The following STUM variants were observed in gnomAD, a reference collection of about 807,000 sequenced individuals.
STUM encodes the protein protein stum homolog.
A neutral mutation model predicts 15.3 loss-of-function variants in STUM; 8 were observed. That is an observed-to-expected ratio of 0.52 (90% confidence interval 0.31 to 0.94). STUM has a LOEUF of 0.94. Ranked by LOEUF, STUM falls within the 40% of genes least tolerant of loss-of-function variation. The probability of loss-of-function intolerance (pLI) is 0.05; values close to 1 mark genes in which losing one functional copy is unlikely to be tolerated. For missense variants in STUM, 142 were observed against 204.9 expected (o/e 0.69, Z 1.87); for synonymous variants, 78 against 88.7 (o/e 0.88, Z 0.68).
chr1:226,589,151 A>G (rs1322832605), intron 1 of STUM, among the ~76,000 whole-genome samples: 1 of 152,192 alleles, frequency 6.6e-6, no homozygotes, highest in African/African-American at 2.4e-5. Flanking sequence ...AAGAGGCTTT[A>G]AGATCCCCTC....
intron 1 of STUM, among the ~76,000 whole-genome samples, chr1:226,556,492 T>TTG (rs1667448228): frequency 6.6e-6 from 1 of 152,224 alleles, no homozygotes; most frequent in Non-Finnish European, 1.5e-5. Flanking sequence ...CCTGGCAAAC[T>TTG]TGGCCATCGG....
At chr1:226,588,141 G>A (rs954630611) in intron 1 of STUM, among the ~76,000 whole-genome samples, 1 of 152,218 alleles carries the variant, frequency 6.6e-6, no homozygotes, top group African/African-American at 2.4e-5. Flanking sequence ...TCGGTTTTAT[G>A]TTCTGAGTCC....
intron 1 of STUM, among the ~76,000 whole-genome samples, chr1:226,555,949 C>T (rs542081271): frequency 1.3e-5 from 2 of 152,168 alleles, no homozygotes; most frequent in South Asian, 4.2e-4. Context: ...TTCATTTAAC[C>T]CGATATATTC....
intron 1 of STUM, among the ~76,000 whole-genome samples, chr1:226,595,418 C>G (rs1668162740): frequency 6.6e-6 from 1 of 152,130 alleles, no homozygotes; most frequent in Admixed American, 6.5e-5. Context: ...CACTCAGAAA[C>G]AGTGCTCCAC....
rs1310720750 is a variant in STUM at position 226,548,936 on chromosome 1, C to T, written c.32C>T (p.Ala11Val). MEPSHKDAET[A>V]AAAAAVAAAD... Reference sequence around the variant, plus strand: ...CCCTCGCACAAAGACGCCGAGACGGCGGCGGCGGCGGCGGCGGTGGCGGCG... The same window carrying T: ...CCCTCGCACAAAGACGCCGAGACGGTGGCGGCGGCGGCGGCGGTGGCGGCG... Residue 11 changes from alanine (A) to valine (V), a missense_variant, in exon 1 of 4, where the codon GCG (alanine) becomes GTG (valine). This residue lies in a region of STUM where 113 missense variants were observed against 134.4 expected (regional missense o/e 0.84). Transcript: ENST00000366788. 1.4e-6 allele frequency: 2 copies of T among 1,445,746 alleles called. No individual in the cohort carries two copies. Among genetic ancestry groups the T allele is most frequent in the East Asian group, 3.0e-5 (1 of 33,334 alleles). 89.6% of individuals were successfully genotyped at this position (1,445,746 alleles called of 1,614,324 possible).
chr1:226,581,835 T>C (rs1318098272), intron 1 of STUM, among the ~76,000 whole-genome samples: 1 of 152,252 alleles, frequency 6.6e-6, no homozygotes, highest in Non-Finnish European at 1.5e-5. Flanking sequence ...AGCCGGCTTG[T>C]GTCACTGAGA....
intron 1 of STUM, among the ~76,000 whole-genome samples, chr1:226,562,923 G>T (rs1036644769): frequency 1.3e-5 from 2 of 152,118 alleles, no homozygotes; most frequent in Non-Finnish European, 1.5e-5. Context: ...ATATATAAGA[G>T]AATATCTTTG....
chr1:226,569,739 G>A (rs767693308), intron 1 of STUM, among the ~76,000 whole-genome samples: 1 of 152,194 alleles, frequency 6.6e-6, no homozygotes, highest in African/African-American at 2.4e-5. Context: ...GGACAAGAGG[G>A]AGAGCCAGGA....
intron 1 of STUM, among the ~76,000 whole-genome samples, chr1:226,570,057 C>G (rs972372034): frequency 2.0e-5 from 3 of 152,192 alleles, no homozygotes; most frequent in Admixed American, 6.5e-5. Flanking sequence ...CCAACCTGAG[C>G]CCCGCCCCTC....
rs538063913 is a variant in STUM, at chr1:226,600,513, C to T, written c.383-153C>T. 1.5e-5 allele frequency: 13 copies of T among 880,900 alleles called. No homozygotes were observed. The African/African-American group carries it at 1.5e-4, about 10-fold the overall frequency. The allele number at this position is 880,900 out of a possible 1,614,324, so 54.6% of individuals were successfully genotyped here. A position where few individuals can be genotyped will look rare whatever the true frequency, so the allele number is the denominator to read the frequency against. On this transcript the variant is annotated intron_variant, in intron 2 of 3. Coordinates refer to ENST00000366788, the MANE Select transcript of STUM (RefSeq NM_001003665.4). This position sits in a 1 kb window ranked among gnomAD's most constrained non-coding sequence, Gnocchi z 5.2. Reference sequence around the variant, plus strand: ...CCTGGGGATGGCGTCTGAGAAGCCACTGGCATGGCCCCTGTCCCATCTCCC... The same window carrying T: ...CCTGGGGATGGCGTCTGAGAAGCCATTGGCATGGCCCCTGTCCCATCTCCC...
intron 1 of STUM, among the ~76,000 whole-genome samples, chr1:226,582,244 A>T (rs1259839539): frequency 6.6e-6 from 1 of 152,182 alleles, no homozygotes; most frequent in Non-Finnish European, 1.5e-5. Context: ...TCCTGAAATC[A>T]GTTTTCTTTT....
chr1:226,586,118 A>G (rs1034431732), intron 1 of STUM, among the ~76,000 whole-genome samples: 1 of 152,120 alleles, frequency 6.6e-6, no homozygotes. Flanking sequence ...ATGTTCTGCT[A>G]TTACCTGCTA....
rs371214637 is a variant in STUM, at chr1:226,607,745, G to A, written c.*5705G>A. 4 of 152,346 alleles carry A rather than the reference G, an allele frequency of 2.6e-5. No individual in the cohort carries two copies. The highest frequency in any genetic ancestry group is 6.5e-5 in the Admixed American group (1 of 15,298). The allele number at this position is 152,346 out of a possible 1,614,324, so 9.4% of individuals were successfully genotyped here. A position where few individuals can be genotyped will look rare whatever the true frequency, so the allele number is the denominator to read the frequency against. On this transcript the variant is annotated 3_prime_UTR_variant, in exon 4 of 4. Coordinates refer to ENST00000366788, the MANE Select transcript of STUM (RefSeq NM_001003665.4). ...GATTTGCATTTAGCTAGGGAAACTC[G>A]GCCCTCAAACCCTCTCCCTCTCTGC...
At position 226,565,050 on chromosome 1, in the gene STUM, C is replaced by T. The variant is rs916673609; in HGVS notation, c.202+15944C>T. On this transcript the variant is annotated intron_variant, in intron 1 of 3. Transcript: ENST00000366788. The surrounding 1 kb of genome is among the most constrained non-coding windows in gnomAD (Gnocchi z 4.4). ...CATCACCAGTCCCCTTGCCCTCGAG[C>T]TTCCAGGTGTCTTAGCCAATGGGAG... Among the ~76,000 whole-genome samples the T allele has an allele frequency of 6.6e-6, 1 of 152,210 alleles. No homozygotes were observed. The highest frequency in any genetic ancestry group is 2.4e-5 in the African/African-American group (1 of 41,440).
rs923345239 is a variant in STUM at position 226,603,726 on chromosome 1, T to C, written c.*1686T>C. ...GGGCCCTGCTGCCCACCCCTTATCA[T>C]GGATCCCTTAGCTACTGTCCGTCTT... On this transcript the variant is annotated 3_prime_UTR_variant, in exon 4 of 4. Coordinates refer to ENST00000366788, the MANE Select transcript of STUM (RefSeq NM_001003665.4). The C allele has an allele frequency of 6.6e-6, 1 of 152,360 alleles. No individual in the cohort carries two copies. The allele number at this position is 152,360 out of a possible 1,614,324, so 9.4% of individuals were successfully genotyped here.
At chr1:226,578,670 C>A (rs894876726) in intron 1 of STUM, among the ~76,000 whole-genome samples, 1 of 152,130 alleles carries the variant, frequency 6.6e-6, no homozygotes, top group Non-Finnish European at 1.5e-5. Context: ...GCCCCAGTCC[C>A]TTTTTTAAAA....
At chr1:226,591,604 C>G (rs1272226408) in intron 1 of STUM, among the ~76,000 whole-genome samples, 5 of 152,202 alleles carry the variant, frequency 3.3e-5, no homozygotes. Flanking sequence ...ACTCAGCCCA[C>G]TGGCCTCTAA....
At chr1:226,553,362 A>G (rs769697155) in intron 1 of STUM, among the ~76,000 whole-genome samples, 17 of 152,346 alleles carry the variant, frequency 1.1e-4, no homozygotes, top group Non-Finnish European at 2.1e-4. Context: ...CACCCAAACA[A>G]AACAGAAAGC....
intron 1 of STUM, among the ~76,000 whole-genome samples, chr1:226,571,392 A>G (rs73096994): frequency 0.041 from 6,188 of 152,254 alleles, 411 homozygotes; most frequent in African/African-American, 0.14. Flanking sequence ...ATATTTTGAG[A>G]AATCGACTTC....
Sources: allele counts gnomAD v4.1 joint callset (sites outside exome capture counted in the v4.1 genomes callset), GRCh38; gene constraint gnomAD v4.1.1; regional missense constraint gnomAD v4.1.1; non-coding constraint Gnocchi (gnomAD v3.1); transcripts MANE v1.5; gene names NCBI Gene and HGNC (gene_info 2026-07-23, HGNC 2026-07-21).